CORO2B: variants seen among roughly 807,000 people sequenced by gnomAD.
CORO2B encodes coronin 2B.
CORO2B carries 26 observed loss-of-function variants against 58.8 expected under a neutral mutation model. That is an observed-to-expected ratio of 0.44 (90% CI 0.32 to 0.61). The LOEUF is 0.61. Among genes scored for constraint, CORO2B ranks in the 20% least tolerant of loss-of-function variants. CORO2B has a pLI of 0.04. For synonymous variants in CORO2B, 242 were observed against 253.8 expected (o/e 0.95, Z 0.44); for missense variants, 460 against 645.1 (o/e 0.71, Z 3.11).
At chr15:68,694,475 G>C (rs1207448663) in intron 2 of CORO2B, among the ~76,000 whole-genome samples, 1 of 152,222 alleles carries the variant, frequency 6.6e-6, no homozygotes, top group Admixed American at 6.5e-5. Context: ...ACACAGGCCT[G>C]TGGGACTCCG....
Position 68,596,148 on chromosome 15 carries a change from G to A in CORO2B, c.15+16871G>A, listed in dbSNP as rs1421153606. 2.6e-5 allele frequency among the ~76,000 whole-genome samples: 4 copies of A among 152,086 alleles called. No homozygotes were observed. The East Asian group carries it at 7.7e-4, about 29-fold the overall frequency. ...AAGAGCCTTTTAGTAGTAAAGAGAT[G>A]CGACGAAGTCATTAGATTCCACAAC... On this transcript the variant is annotated intron_variant, in intron 1 of 11. Transcript: ENST00000261861.
chr15:68,707,460 A>G (rs1866135740), intron 3 of CORO2B, among the ~76,000 whole-genome samples: 1 of 152,228 alleles, frequency 6.6e-6, no homozygotes, highest in Non-Finnish European at 1.5e-5. Flanking sequence ...AATTGTAATC[A>G]TGGAAAAAAG....
At chr15:68,586,074 A>G (rs1046793149) in intron 1 of CORO2B, among the ~76,000 whole-genome samples, 5 of 152,174 alleles carry the variant, frequency 3.3e-5, no homozygotes, top group African/African-American at 9.7e-5. Context: ...AGTCAAACAC[A>G]TGGCAGTCTG....
intron 7 of CORO2B, 118 bp downstream of exon 7, chr15:68,714,781 C>T: frequency 1.3e-6 from 1 of 741,204 alleles, no homozygotes; most frequent in Non-Finnish European, 2.3e-6. Flanking sequence ...AGTTCCTGGG[C>T]CTCACCTTTC....
Position 68,714,628 on chromosome 15 carries a change from G to C in CORO2B, c.835G>C (p.Asp279His). 1 of 1,614,104 alleles carries C rather than the reference G, an allele frequency of 6.2e-7. No individual in the cohort carries two copies. The highest frequency in any genetic ancestry group is 8.5e-7 in the Non-Finnish European group (1 of 1,180,008). ...CTCTGGCCTCCTGTTCCCCTTCTAT[G>C]ATGCTGACACCCACATGCTCTACCT... ...GLSGLLFPFY[D>H]ADTHMLYLAG... The change falls in exon 7 of 12, where the codon GAT (aspartate) becomes CAT (histidine). Residue 279 changes from aspartate to histidine, a missense_variant. Asp to His is a moderately conservative substitution (Grantham distance 81). Around this residue, in one of 2 missense-constraint regions of CORO2B, gnomAD observed 352 missense variants for 543.0 expected, o/e 0.65. Transcript: ENST00000261861.
intron 1 of CORO2B, among the ~76,000 whole-genome samples, chr15:68,643,222 G>T (rs566445516): frequency 3.9e-4 from 59 of 152,278 alleles, no homozygotes; most frequent in African/African-American, 1.3e-3. Context: ...TTTGGGAATA[G>T]TTGGTGTCCT....
intron 2 of CORO2B, among the ~76,000 whole-genome samples, chr15:68,662,407 A>G (rs1902046189): frequency 6.6e-6 from 1 of 152,242 alleles, no homozygotes; most frequent in Admixed American, 6.5e-5. Flanking sequence ...TAACTCAGGA[A>G]TAACTTCATG....
At chr15:68,527,525 A>G in the CORO2B span, among the ~76,000 whole-genome samples, 1 of 152,190 alleles carries the variant, frequency 6.6e-6, no homozygotes, top group African/African-American at 2.4e-5. Context: ...CCATTGATCT[A>G]TGTGACTAAT....
intron 11 of CORO2B, among the ~76,000 whole-genome samples, chr15:68,720,430 A>G (rs1893134072): frequency 6.6e-6 from 1 of 152,248 alleles, no homozygotes; most frequent in Non-Finnish European, 1.5e-5. Context: ...GCCTAAACCC[A>G]CAAATGCTTA....
intron 1 of CORO2B, among the ~76,000 whole-genome samples, chr15:68,619,679 G>GTA (rs555650314): frequency 7.6e-4 from 116 of 151,822 alleles, no homozygotes; most frequent in Middle Eastern, 3.4e-3. Flanking sequence ...GTGTGTGTGT[G>GTA]TATATATATA....
chr15:68,723,116 CTTTTTTTTTTT>C (rs767517372), intron 11 of CORO2B, among the ~76,000 whole-genome samples: 3 of 91,464 alleles, frequency 3.3e-5, no homozygotes, highest in Non-Finnish European at 4.1e-5. Context: ...TACATACATT[CTTTTTTTTTTT>C]TTTTTTTTTT....
chr15:68,519,941 G>C, the CORO2B span, among the ~76,000 whole-genome samples: 1 of 152,296 alleles, frequency 6.6e-6, no homozygotes, highest in East Asian at 1.9e-4. Context: ...ACTAAGCACA[G>C]CTTTAGTTCC....
At chr15:68,646,653 C>T (rs1901439467) in intron 2 of CORO2B, among the ~76,000 whole-genome samples, 1 of 152,228 alleles carries the variant, frequency 6.6e-6, no homozygotes. Flanking sequence ...GTGCATGTCA[C>T]TTCACCTCTC....
intron 6 of CORO2B, 107 bp from the exon 7 acceptor site, chr15:68,714,452 G>T: frequency 1.2e-6 from 1 of 815,650 alleles, no homozygotes; most frequent in East Asian, 2.4e-5. Context: ...ACATCTAGGG[G>T]AGGTCTTAAC....
At chr15:68,532,252 T>G in the CORO2B span, among the ~76,000 whole-genome samples, 1 of 152,156 alleles carries the variant, frequency 6.6e-6, no homozygotes, top group Admixed American at 6.5e-5. Flanking sequence ...TTTTCTATCT[T>G]TTTTTCTTTC....
rs770502025 is a variant in CORO2B at position 68,590,065 on chromosome 15, G to A, written c.15+10788G>A. On this transcript the variant is annotated intron_variant, in intron 1 of 11. Transcript: ENST00000261861. ...TTTCTCTGAAACCATGAGAAGGGCC[G>A]CTGAGTTGGGAGCCTGGGTTGCTAA... Among the ~76,000 whole-genome samples, 4 of 152,316 alleles carry A rather than the reference G, an allele frequency of 2.6e-5. No individual in the cohort carries two copies. The South Asian group carries it at 6.2e-4, about 24-fold the overall frequency.
the CORO2B span, among the ~76,000 whole-genome samples, chr15:68,563,393 G>A: frequency 6.6e-6 from 1 of 151,792 alleles, no homozygotes; most frequent in Non-Finnish European, 1.5e-5. Flanking sequence ...GGGAGGCTGA[G>A]AATTGATCAC....
intron 1 of CORO2B, among the ~76,000 whole-genome samples, chr15:68,583,057 C>T (rs535916068): frequency 8.5e-5 from 13 of 152,270 alleles, no homozygotes; most frequent in African/African-American, 3.1e-4. Context: ...GGTCCGTGGG[C>T]AGCACGATCA....
At chr15:68,614,874 GTC>G (rs1900317511) in intron 1 of CORO2B, among the ~76,000 whole-genome samples, 1 of 152,248 alleles carries the variant, frequency 6.6e-6, no homozygotes, top group South Asian at 2.1e-4. Context: ...CCCGAGGCTG[GTC>G]CGGGCCTGCG....
Sources: gnomAD v4.1 joint callset for allele counts (sites outside exome capture counted in the v4.1 genomes callset) on GRCh38, gnomAD v4.1.1 for gene constraint, gnomAD v4.1.1 regional missense constraint, MANE v1.5 for transcripts, NCBI Gene and HGNC (gene_info 2026-07-23, HGNC 2026-07-21) for gene names.